S100PBP: variants seen among roughly 807,000 people sequenced by gnomAD.
The protein encoded by S100PBP is S100P-binding protein.
A neutral mutation model predicts 39.9 loss-of-function variants in S100PBP; 15 were observed. That is an observed-to-expected ratio of 0.38 (90% CI 0.25 to 0.58). The LOEUF (loss-of-function observed/expected upper bound fraction) is 0.58. Among genes scored for constraint, S100PBP ranks in the 20% least tolerant of loss-of-function variants. The pLI, the probability that S100PBP is intolerant of heterozygous loss-of-function variation, is 0.70. For missense variants in S100PBP, 504 were observed against 487.3 expected (o/e 1.03, Z -0.32); for synonymous variants, 178 against 180.3 (o/e 0.99, Z 0.10).
At chr1:32,833,814 ATT>A (rs1206222080) in intron 5 of S100PBP, among the ~76,000 whole-genome samples, 1 of 152,198 alleles carries the variant, frequency 6.6e-6, no homozygotes, top group Non-Finnish European at 1.5e-5. Context: ...ATACAGGGAA[ATT>A]ACATATTAAT....
rs115233161 is a variant in S100PBP at position 32,853,636 on chromosome 1, C to T, written c.1112+470C>T. ...GACTGAGGCTGAGCACAGTAGCTCA[C>T]GCCTGTAATTCCAGCACTTTGGGAG... On this transcript the variant is annotated intron_variant, in intron 6 of 6. Coordinates refer to ENST00000373475, the MANE Select transcript of S100PBP (RefSeq NM_022753.4). Among the ~76,000 whole-genome samples, 737 of 152,106 alleles carry T rather than the reference C, an allele frequency of 4.8e-3. 10 individuals carry two copies. The highest frequency in any genetic ancestry group is 0.017 in the African/African-American group (689 of 41,484).
rs1305677387 is a variant in S100PBP at position 32,856,454 on chromosome 1, C to T, written c.*416C>T. 1 of 156,028 alleles carries T rather than the reference C, an allele frequency of 6.4e-6. No individual in the cohort carries two copies. The highest frequency in any genetic ancestry group is 1.4e-5 in the Non-Finnish European group (1 of 70,336). The allele number at this position is 156,028 out of a possible 1,614,324, so 9.7% of individuals were successfully genotyped here. A position where few individuals can be genotyped will look rare whatever the true frequency, so the allele number is the denominator to read the frequency against. ...CATAAGGAAGAGATTCTTTACCAGG[C>T]TGTGAGCCAGTGTTAGATAACTTGT... On this transcript the variant is annotated 3_prime_UTR_variant, in exon 7 of 7. Coordinates refer to ENST00000373475, the MANE Select transcript of S100PBP (RefSeq NM_022753.4).
chr1:32,850,976 T>G (rs1429154662), intron 5 of S100PBP, among the ~76,000 whole-genome samples: 1 of 152,218 alleles, frequency 6.6e-6, no homozygotes, highest in African/African-American at 2.4e-5. Flanking sequence ...ACACACGCTG[T>G]GTGCCATAGC....
chr1:32,837,561 G>A (rs868324315), intron 5 of S100PBP, among the ~76,000 whole-genome samples: 25 of 132,400 alleles, frequency 1.9e-4, no homozygotes, highest in African/African-American at 5.8e-4. Context: ...GCAAAACTCC[G>A]TCTCAAAAAA....
At chr1:32,853,727 C>T (rs897748746) in intron 6 of S100PBP, among the ~76,000 whole-genome samples, 1 of 151,936 alleles carries the variant, frequency 6.6e-6, no homozygotes, top group East Asian at 1.9e-4. Context: ...GAGACCCCGT[C>T]GCTACAAAAA....
upstream of S100PBP, chr1:32,817,346 G>T: frequency 6.7e-7 from 1 of 1,486,348 alleles, no homozygotes; most frequent in Non-Finnish European, 9.3e-7. Context: ...AGTCCAGCCA[G>T]GTTGCATCAG....
At chr1:32,852,968 T>C (rs1569957110) in intron 5 of S100PBP, 111 bp from the exon 6 acceptor site, 1 of 704,922 alleles carries the variant, frequency 1.4e-6, no homozygotes, top group Non-Finnish European at 2.5e-6. Context: ...ATTGTAAGTA[T>C]ATATTGTTGA....
chr1:32,829,606 G>A (rs907037584), intron 4 of S100PBP, among the ~76,000 whole-genome samples: 3 of 152,048 alleles, frequency 2.0e-5, no homozygotes, highest in Non-Finnish European at 4.4e-5. Flanking sequence ...AGGACTACAG[G>A]CACATGCAGC....
Position 32,853,076 on chromosome 1 carries a change from C to T in S100PBP, c.1025-3C>T, listed in dbSNP as rs1177546143. On this transcript the variant is annotated splice_polypyrimidine_tract_variant and splice_region_variant and intron_variant, in intron 5 of 6. Transcript: ENST00000373475. ...CCTAACCACTGATCCCTCTGTATCA[C>T]AGGTATCTCGGGGGAGCTTTGTGCC... The T allele has an allele frequency of 1.1e-5, 17 of 1,607,438 alleles. No individual in the cohort carries two copies. The highest frequency in any genetic ancestry group is 1.4e-5 in the Non-Finnish European group (17 of 1,174,354).
At chr1:32,827,620 TAC>T (rs1482489507) in intron 3 of S100PBP, among the ~76,000 whole-genome samples, 1 of 152,100 alleles carries the variant, frequency 6.6e-6, no homozygotes, top group Non-Finnish European at 1.5e-5. Flanking sequence ...TAGCTGGGAT[TAC>T]AAACATGCAC....
Position 32,856,276 on chromosome 1 carries a change from A to G in S100PBP, c.*238A>G, listed in dbSNP as rs41306603. 4.0e-6 allele frequency: 1 copy of G among 250,260 alleles called. No individual in the cohort carries two copies. Among genetic ancestry groups the G allele is most frequent in the Non-Finnish European group, 7.8e-6 (1 of 128,916 alleles). 15.5% of individuals were successfully genotyped at this position (250,260 alleles called of 1,614,324 possible). On this transcript the variant is annotated 3_prime_UTR_variant, in exon 7 of 7. Transcript: ENST00000373475. ...GTTTAAGCAAGCGTTCGGTTGGTAT[A>G]GTTTTTTTTTGTTTTTTTAATTTAA...
chr1:32,822,613 TC>T (rs1360797481), intron 1 of S100PBP, among the ~76,000 whole-genome samples: 36 of 115,426 alleles, frequency 3.1e-4, no homozygotes, highest in African/African-American at 1.3e-3. Context: ...AGAGCTAGAC[TC>T]CGTTTCAAAA....
At chr1:32,851,842 C>T (rs765367634) in intron 5 of S100PBP, among the ~76,000 whole-genome samples, 17 of 152,142 alleles carry the variant, frequency 1.1e-4, no homozygotes, top group Non-Finnish European at 2.1e-4. Context: ...TTTTACAATA[C>T]CTCCAGTTGA....
In S100PBP at chr1:32,826,089, T is replaced by C. The variant is rs1377760837; in HGVS notation, c.-2-9T>C. On this transcript the variant is annotated splice_polypyrimidine_tract_variant and intron_variant, in intron 2 of 6. Transcript: ENST00000373475. The stretch of plus-strand genomic sequence containing the variant: ...TCTTCCTCAGTGAAATTGTCTCTTA[T>C]TTCTCCAGAAATGATGTGCTCACGG... 4 of 1,574,216 alleles carry C rather than the reference T, an allele frequency of 2.5e-6. No individual in the cohort carries two copies. The highest frequency in any genetic ancestry group is 2.7e-5 in the African/African-American group (2 of 73,216).
At chr1:32,817,595 T>C, upstream of S100PBP, 1 of 449,392 alleles carries the variant, frequency 2.2e-6, no homozygotes, top group Admixed American at 3.4e-5. Flanking sequence ...CCCGGCTGAC[T>C]CGGGGTAGGG....
intron 5 of S100PBP, among the ~76,000 whole-genome samples, chr1:32,841,994 G>C (rs530523221): frequency 1.2e-4 from 18 of 151,002 alleles, no homozygotes; most frequent in African/African-American, 3.6e-4. Context: ...AGACCAGCCT[G>C]GGCAATGTGG....
At chr1:32,838,000 T>C (rs1639908627) in intron 5 of S100PBP, among the ~76,000 whole-genome samples, 1 of 152,124 alleles carries the variant, frequency 6.6e-6, no homozygotes, top group African/African-American at 2.4e-5. Flanking sequence ...TAAGTAAATA[T>C]CTAGAGTAAA....
chr1:32,819,431 G>T (rs547044990), intron 1 of S100PBP, among the ~76,000 whole-genome samples: 1 of 152,174 alleles, frequency 6.6e-6, no homozygotes, highest in African/African-American at 2.4e-5. Context: ...AGCCTAGCAT[G>T]GTGGACGCCT....
intron 1 of S100PBP, chr1:32,818,837 G>C (rs1174677435): frequency 2.0e-5 from 3 of 152,154 alleles, no homozygotes; most frequent in Non-Finnish European, 2.9e-5. Context: ...AGTGCGTTTC[G>C]TGCTGTGTGC....
Sources: allele counts gnomAD v4.1 joint callset (sites outside exome capture counted in the v4.1 genomes callset), GRCh38; gene constraint gnomAD v4.1.1; transcripts MANE v1.5; gene names NCBI Gene and HGNC (gene_info 2026-07-23, HGNC 2026-07-21).